The following FOXP2 variants were observed in gnomAD, a reference collection of about 807,000 sequenced individuals.
FOXP2 encodes the protein forkhead box protein P2.
Under a neutral mutation model 115.8 loss-of-function variants are expected in FOXP2, and 12 were observed. The observed-to-expected ratio is 0.10, with a 90% CI of 0.07 to 0.17. FOXP2 has a LOEUF of 0.17. Ranked by LOEUF, FOXP2 falls within the 10% of genes least tolerant of loss-of-function variation. The probability of loss-of-function intolerance (pLI) is 1.00; values close to 1 mark genes in which losing one functional copy is unlikely to be tolerated. For missense variants in FOXP2, 629 were observed against 843.5 expected (o/e 0.75, Z 3.15); for synonymous variants, 328 against 297.7 (o/e 1.10, Z -1.05).
At chr7:114,447,844 A>G (rs1364126991) in intron 2 of FOXP2, among the ~76,000 whole-genome samples, 1 of 152,130 alleles carries the variant, frequency 6.6e-6, no homozygotes, top group Non-Finnish European at 1.5e-5. Flanking sequence ...TCCAAGTTCT[A>G]TTTCAGAGTT....
chr7:114,646,819 G>A (rs1195966368), intron 8 of FOXP2, among the ~76,000 whole-genome samples: 4 of 151,642 alleles, frequency 2.6e-5, no homozygotes, highest in South Asian at 2.1e-4. Flanking sequence ...AATTAACTTC[G>A]GTTATTCAAA....
chr7:114,160,676 G>A (rs889225979), upstream of FOXP2, among the ~76,000 whole-genome samples: 2 of 151,962 alleles, frequency 1.3e-5, no homozygotes, highest in Non-Finnish European at 2.9e-5. Flanking sequence ...ACCTCAACTA[G>A]TATTTTAGCA....
At chr7:114,170,622 T>C (rs533884562) in intron 1 of FOXP2, among the ~76,000 whole-genome samples, 23 of 152,308 alleles carry the variant, frequency 1.5e-4, no homozygotes, top group African/African-American at 5.1e-4. Flanking sequence ...GGCTTACTGT[T>C]GATATGAAGA....
At chr7:114,680,013 A>G (rs554077792) in intron 16 of FOXP2, among the ~76,000 whole-genome samples, 2 of 152,304 alleles carry the variant, frequency 1.3e-5, no homozygotes, top group South Asian at 4.1e-4. Context: ...ACTTCTAACA[A>G]GAAGTAACTT....
intron 2 of FOXP2, among the ~76,000 whole-genome samples, chr7:114,487,174 A>G (rs1796827965): frequency 6.6e-6 from 1 of 152,186 alleles, no homozygotes; most frequent in Admixed American, 6.5e-5. Context: ...AAATCTAGGC[A>G]GAGGTTCCCA....
intron 1 of FOXP2, among the ~76,000 whole-genome samples, chr7:114,260,401 C>T (rs773999117): frequency 1.3e-5 from 2 of 151,806 alleles, no homozygotes; most frequent in East Asian, 1.9e-4. Context: ...ATTTGAAAAC[C>T]GTCTGCCGCC....
intron 3 of FOXP2, among the ~76,000 whole-genome samples, chr7:114,557,703 A>G (rs770469747): frequency 2.0e-5 from 3 of 152,162 alleles, no homozygotes; most frequent in Non-Finnish European, 4.4e-5. Context: ...CTCTAATGGC[A>G]ATGCAATTCA....
intron 9 of FOXP2, chr7:114,653,327 G>A: frequency 6.3e-6 from 1 of 157,714 alleles, no homozygotes; most frequent in Middle Eastern, 5.2e-4. Flanking sequence ...TCCTTCTGCT[G>A]TGTCTGACTG....
intron 2 of FOXP2, among the ~76,000 whole-genome samples, chr7:114,490,826 G>A (rs1159462536): frequency 6.6e-6 from 1 of 152,110 alleles, no homozygotes; most frequent in Non-Finnish European, 1.5e-5. Context: ...CCCTACAAAG[G>A]ACATGAACTC....
chr7:114,259,983 A>G (rs1458911195), intron 1 of FOXP2, among the ~76,000 whole-genome samples: 1 of 152,018 alleles, frequency 6.6e-6, no homozygotes, highest in Non-Finnish European at 1.5e-5. Context: ...TCCATCTCCC[A>G]GGTTCAAGCG....
intron 3 of FOXP2, among the ~76,000 whole-genome samples, chr7:114,543,494 T>C (rs185503650): frequency 1.7e-4 from 26 of 152,296 alleles, no homozygotes; most frequent in African/African-American, 5.5e-4. Context: ...TTAACAACTT[T>C]AAAAATTTCA....
At chr7:114,502,771 A>G (rs1353507654) in intron 2 of FOXP2, among the ~76,000 whole-genome samples, 2 of 152,048 alleles carry the variant, frequency 1.3e-5, no homozygotes, top group African/African-American at 4.8e-5. Context: ...ATTCATCACC[A>G]ATTCATCAGG....
intron 3 of FOXP2, among the ~76,000 whole-genome samples, chr7:114,605,754 T>A (rs1021101721): frequency 1.3e-5 from 2 of 152,166 alleles, no homozygotes; most frequent in Non-Finnish European, 2.9e-5. Context: ...CACTGAAGCA[T>A]GTTGTGGGGA....
At chr7:114,577,226 G>A (rs1801619080) in intron 3 of FOXP2, among the ~76,000 whole-genome samples, 1 of 151,886 alleles carries the variant, frequency 6.6e-6, no homozygotes, top group South Asian at 2.1e-4. Context: ...TACATAGGAT[G>A]TCAGGTTAAG....
intron 2 of FOXP2, among the ~76,000 whole-genome samples, chr7:114,518,205 A>G (rs983093639): frequency 1.3e-4 from 20 of 152,216 alleles, no homozygotes; most frequent in African/African-American, 4.8e-4. Context: ...TATATAAAAT[A>G]CAAAACAAAT....
chr7:114,300,105 T>C (rs1409114214), intron 2 of FOXP2, among the ~76,000 whole-genome samples: 1 of 151,970 alleles, frequency 6.6e-6, no homozygotes, highest in East Asian at 1.9e-4. Context: ...TGATAGGAAA[T>C]GGAAAAGAGA....
chr7:114,138,853 A>G (rs1480897927), intron 1 of FOXP2, among the ~76,000 whole-genome samples: 1 of 152,214 alleles, frequency 6.6e-6, no homozygotes, highest in Non-Finnish European at 1.5e-5. Flanking sequence ...AAAATGTAAC[A>G]TGGTATCCTG....
At chr7:114,144,390 A>C (rs372722850) in intron 1 of FOXP2, among the ~76,000 whole-genome samples, 1 of 152,148 alleles carries the variant, frequency 6.6e-6, no homozygotes, top group Non-Finnish European at 1.5e-5. Context: ...TAAACCTTTT[A>C]CTTATCTGAT....
chr7:114,267,009 T>C (rs772608707), intron 1 of FOXP2, among the ~76,000 whole-genome samples: 47 of 152,228 alleles, frequency 3.1e-4, no homozygotes, highest in Non-Finnish European at 6.0e-4. Context: ...ATAGAGTTCA[T>C]TGGAAGGAGG....
Sources: gnomAD v4.1 joint callset for allele counts (sites outside exome capture counted in the v4.1 genomes callset) on GRCh38, gnomAD v4.1.1 for gene constraint, MANE v1.5 for transcripts, NCBI Gene and HGNC (gene_info 2026-07-23, HGNC 2026-07-21) for gene names.